Variants in SLX4 observed in about 807,000 individuals in gnomAD.
SLX4 encodes the protein SLX4 structure-specific endonuclease subunit, also known as structure-specific endonuclease subunit SLX4.
In SLX4, 112 loss-of-function variants were observed where a neutral mutation model predicts 146.2. That is an observed-to-expected ratio of 0.77 (90% CI 0.66 to 0.90). SLX4 has a LOEUF of 0.90. Among genes scored for constraint, SLX4 ranks in the 40% least tolerant of loss-of-function variants. SLX4 has a pLI of 0.00. For missense variants in SLX4, 2,563 were observed against 2,392.7 expected, an observed-to-expected ratio of 1.07 and a Z score of -1.49; for synonymous variants, 1,061 against 997.7, an observed-to-expected ratio of 1.06 and a Z score of -1.20.
At position 3,596,235 on chromosome 16, in the gene SLX4, G is replaced by T; in HGVS notation, c.1842C>A (p.Asp614Glu). Residue 614 changes from aspartate (D) to glutamate (E), a missense_variant, in exon 8 of 15, where the codon GAC becomes GAA. Coordinates refer to ENST00000294008, the MANE Select transcript of SLX4 (RefSeq NM_032444.4). ...GTCCCTCCCTCGCCAGGTCCACGAG[G>T]TCCTGCAGGGCCTGGTGCTCCCTCT... ...ASQREHQALQ[D>E]LVDLAREGLS... is the part of the protein sequence containing the mutation. 4 of 1,553,028 alleles carry T rather than the reference G, an allele frequency of 2.6e-6. No homozygotes were observed. The highest frequency in any genetic ancestry group is 3.5e-6 in the Non-Finnish European group (4 of 1,150,392).
rs1418445974 is a variant in SLX4 at position 3,589,764 on chromosome 16, G to A, written c.3874C>T (p.Pro1292Ser). ...LAVQAVTQHTPRASVGNREGN... is the reference protein window; with the variant it reads ...LAVQAVTQHTSRASVGNREGN... ...TCCCTGTTTCCTACTGAGGCCCTGG[G>A]CGTGTGCTGAGTCACCGCCTGCACG... Residue 1292 changes from proline (P) to serine (S), a missense_variant, in exon 12 of 15, where the codon CCC becomes TCC. Coordinates refer to ENST00000294008, the MANE Select transcript of SLX4 (RefSeq NM_032444.4). This position sits in a 1 kb window ranked among gnomAD's most constrained non-coding sequence, Gnocchi z 6.2. The A allele has an allele frequency of 6.2e-7, 1 of 1,613,748 alleles. No individual in the cohort carries two copies. The highest frequency in any genetic ancestry group is 2.2e-5 in the East Asian group (1 of 44,882).
In SLX4 at chr16:3,597,113, G is replaced by A. The variant is rs569710528; in HGVS notation, c.1683+266C>T. Among the ~76,000 whole-genome samples, 233 of 152,266 alleles carry A rather than the reference G, an allele frequency of 1.5e-3. 1 individual carries two copies. Among genetic ancestry groups the A allele is most frequent in the African/African-American group, 5.4e-3 (223 of 41,568 alleles). The stretch of plus-strand genomic sequence containing the variant: ...AGGGATTACGGGCGTGAGCCACTGC[G>A]CCCGGCCGGGACTCTGCATTTTCAA... On this transcript the variant is annotated intron_variant, in intron 7 of 14. Coordinates refer to ENST00000294008, the MANE Select transcript of SLX4 (RefSeq NM_032444.4). This position sits in a 1 kb window ranked among gnomAD's most constrained non-coding sequence, Gnocchi z 4.4.
intron 1 of SLX4, among the ~76,000 whole-genome samples, chr16:3,610,906 G>T: frequency 6.6e-6 from 1 of 152,232 alleles, no homozygotes; most frequent in East Asian, 1.9e-4. Context: ...GGAAGGTCAG[G>T]CTAGGCAAAG....
Position 3,589,336 on chromosome 16 carries a change from C to A in SLX4, c.4302G>T (p.Ser1434=), listed in dbSNP as rs768311081. The change falls in exon 12 of 15, where the codon TCG becomes TCT. Residue 1434 remains serine (S), a synonymous_variant. Coordinates refer to ENST00000294008, the MANE Select transcript of SLX4 (RefSeq NM_032444.4). This position sits in a 1 kb window ranked among gnomAD's most constrained non-coding sequence, Gnocchi z 6.2. The part of the protein sequence containing the change: ...DDCCWHMEPL[S]PIPIDHWNLE... Reference sequence around the variant, plus strand: ...GGTTCCAGTGGTCAATGGGAATTGGCGAGAGGGGCTCCATGTGCCAGCAGC... The same window carrying A: ...GGTTCCAGTGGTCAATGGGAATTGGAGAGAGGGGCTCCATGTGCCAGCAGC... 6.3e-7 allele frequency: 1 copy of A among 1,577,548 alleles called. No homozygotes were observed. The highest frequency in any genetic ancestry group is 8.6e-7 in the Non-Finnish European group (1 of 1,159,912).
At chr16:3,592,671 A>C in intron 11 of SLX4, 28 bp downstream of exon 11, 1 of 1,608,118 alleles carries the variant, frequency 6.2e-7, no homozygotes, top group South Asian at 1.1e-5. Context: ...TCGTCAGTTA[A>C]TTTCAAAAGC....
chr16:3,587,529 C>T (rs980737100), intron 12 of SLX4, among the ~76,000 whole-genome samples: 1 of 152,150 alleles, frequency 6.6e-6, no homozygotes, highest in African/African-American at 2.4e-5. Context: ...CCATGGAGCC[C>T]TTTGAGCCCC....
At chr16:3,603,090 T>A (rs2040745351) in intron 3 of SLX4, among the ~76,000 whole-genome samples, 1 of 152,242 alleles carries the variant, frequency 6.6e-6, no homozygotes. Flanking sequence ...TCTCACACTC[T>A]GTCGCCAGGC....
At chr16:3,595,390 C>T (rs2040639782) in intron 9 of SLX4, among the ~76,000 whole-genome samples, 1 of 152,242 alleles carries the variant, frequency 6.6e-6, no homozygotes. Context: ...AGGCAGAAGT[C>T]TCGTGGCAGA....
In SLX4 at chr16:3,594,528, A is replaced by G; in HGVS notation, c.2085T>C (p.Phe695=). 6.2e-7 allele frequency: 1 copy of G among 1,614,154 alleles called. No homozygotes were observed. The highest frequency in any genetic ancestry group is 8.5e-7 in the Non-Finnish European group (1 of 1,180,022). The change falls in exon 10 of 15, where the codon TTT becomes TTC. Residue 695 remains phenylalanine (F), a synonymous_variant. Coordinates refer to ENST00000294008, the MANE Select transcript of SLX4 (RefSeq NM_032444.4). ...AAAGCACCTCCCCGCTGTCCGTCTG[A>G]AACTGGACATCACTCAGGTGTGGGT... ...VNNPHLSDVQ[F]QTDSGEVLYA...
rs1183096762 is a variant in SLX4, at chr16:3,606,409, G to A, written c.760+65C>T. Reference sequence around the variant, plus strand: ...ACTCAACAAATGCTGATTCCTTCCCGCCTCCCTTCCTCAGAGTTGTATTAA... The same window carrying A: ...ACTCAACAAATGCTGATTCCTTCCCACCTCCCTTCCTCAGAGTTGTATTAA... On this transcript the variant is annotated intron_variant, in intron 3 of 14. Coordinates refer to ENST00000294008, the MANE Select transcript of SLX4 (RefSeq NM_032444.4). 1.9e-5 allele frequency: 29 copies of A among 1,557,074 alleles called. No individual in the cohort carries two copies. Among genetic ancestry groups the A allele is most frequent in the Non-Finnish European group, 1.9e-5 (22 of 1,128,598 alleles).
chr16:3,601,776 T>A (rs1035425834), intron 4 of SLX4: 3 of 348,684 alleles, frequency 8.6e-6, no homozygotes, highest in African/African-American at 4.2e-5. Context: ...CCAGACAGAA[T>A]GTTGATTAGT....
chr16:3,598,123 G>A, intron 5 of SLX4, 124 bp from the exon 6 acceptor site: 4 of 1,079,672 alleles, frequency 3.7e-6, no homozygotes, highest in Non-Finnish European at 5.6e-6. Flanking sequence ...CTGCCAGGCA[G>A]ATGCGTCCCC....
Position 3,582,018 on chromosome 16 carries a change from A to G in SLX4, c.*324T>C. ...AGATTGTGCCACTGCACTCCAGCCT[A>G]GGTGACACAGCACGACTGTCTCAAA... On this transcript the variant is annotated 3_prime_UTR_variant, in exon 15 of 15. Coordinates refer to ENST00000294008, the MANE Select transcript of SLX4 (RefSeq NM_032444.4). The G allele has an allele frequency of 1.2e-5, 5 of 401,978 alleles. No individual in the cohort carries two copies. Among genetic ancestry groups the G allele is most frequent in the South Asian group, 9.7e-5 (3 of 30,976 alleles). 24.9% of individuals were successfully genotyped at this position (401,978 alleles called of 1,614,324 possible). A position where few individuals can be genotyped will look rare whatever the true frequency, so the allele number is the denominator to read the frequency against.
At chr16:3,602,015 T>G (rs777134564) in intron 4 of SLX4, 103 bp downstream of exon 4, 114 of 1,338,262 alleles carry the variant, frequency 8.5e-5, no homozygotes, top group Non-Finnish European at 1.2e-4. Flanking sequence ...AAAGCTGAGG[T>G]GCTGTTGTCA....
chr16:3,596,420 C>T, intron 7 of SLX4, 27 bp from the exon 8 acceptor site: 1 of 1,570,522 alleles, frequency 6.4e-7, no homozygotes, highest in Non-Finnish European at 8.7e-7. Context: ...AGGAGAGTGA[C>T]CACGTGGTCA....
At chr16:3,596,490 A>C in intron 7 of SLX4, 97 bp from the exon 8 acceptor site, 1 of 1,394,364 alleles carries the variant, frequency 7.2e-7, no homozygotes, top group Non-Finnish European at 9.6e-7. Flanking sequence ...CTGGACCTAA[A>C]ACTACAGAGC....
intron 2 of SLX4, 62 bp from the exon 3 acceptor site, chr16:3,606,760 A>G: frequency 6.4e-7 from 1 of 1,574,378 alleles, no homozygotes. Context: ...AGACTTTTCT[A>G]CCAGATACAG....
At position 3,608,532 on chromosome 16, in the gene SLX4, C is replaced by T. The variant is rs780711582; in HGVS notation, c.433G>A (p.Ala145Thr). 5.6e-6 allele frequency: 9 copies of T among 1,614,202 alleles called. No homozygotes were observed. Reference sequence around the variant, plus strand: ...AGCACAGGTGGATCTGGAGCAGAGGCAAGCACACCCCCCTCCCCATTCACA... The same window carrying T: ...AGCACAGGTGGATCTGGAGCAGAGGTAAGCACACCCCCCTCCCCATTCACA... ...HSVNGEGGVLASAPDPPVLRE... is the reference protein window; with the variant it reads ...HSVNGEGGVLTSAPDPPVLRE... The change falls in exon 2 of 15, where the codon GCC becomes ACC. Residue 145 changes from alanine to threonine, a missense_variant. By Grantham distance (58) the Ala-to-Thr change is moderately conservative. Coordinates refer to ENST00000294008, the MANE Select transcript of SLX4 (RefSeq NM_032444.4).
rs80035526 is a variant in SLX4, at chr16:3,608,220, A to G, written c.535+210T>C. Among the ~76,000 whole-genome samples, 7,616 of 152,324 alleles carry G rather than the reference A, an allele frequency of 0.05. 248 individuals are homozygous for G. Among genetic ancestry groups the G allele is most frequent in the Admixed American group, 0.068 (1,046 of 15,298 alleles). On this transcript the variant is annotated intron_variant, in intron 2 of 14. Transcript: ENST00000294008. ...AACCAAAAGTTAGCAAACTACGGTC[A>G]TGTGGCTGGCTGCCTGTTTTTGTAA...
Sources: allele counts gnomAD v4.1 joint callset (sites outside exome capture counted in the v4.1 genomes callset), GRCh38; gene constraint gnomAD v4.1.1; non-coding constraint Gnocchi (gnomAD v3.1); transcripts MANE v1.5; gene names NCBI Gene and HGNC (gene_info 2026-07-23, HGNC 2026-07-21).